The following UGT1A6 variants were observed in gnomAD, a reference collection of about 807,000 sequenced individuals.
UGT1A6 encodes UDP glucuronosyltransferase family 1 member A6.
Under a neutral mutation model 44.4 loss-of-function variants are expected in UGT1A6, and 32 were observed. That is an observed-to-expected ratio of 0.72 (90% CI 0.54 to 0.97). The LOEUF is 0.97. Among genes scored for constraint, UGT1A6 ranks in the 50% least tolerant of loss-of-function variants. The pLI, the probability that UGT1A6 is intolerant of heterozygous loss-of-function variation, is 0.00. For missense variants in UGT1A6, 685 were observed against 661.9 expected (o/e 1.03, Z -0.38); for synonymous variants, 238 against 248.5 (o/e 0.96, Z 0.40).
intron 1 of UGT1A6, among the ~76,000 whole-genome samples, chr2:233,724,021 G>T (rs2077154615): frequency 1.2e-5 from 1 of 80,748 alleles, no homozygotes; most frequent in African/African-American, 7.3e-5. Context: ...TTGTCATCCT[G>T]GCCCGTTCTC....
At chr2:233,761,290 C>T in intron 1 of UGT1A6, 1 of 1,537,354 alleles carries the variant, frequency 6.5e-7, no homozygotes, top group Non-Finnish European at 8.8e-7. Context: ...TTTTTGACTC[C>T]TAGGTTTGAG....
chr2:233,693,934 T>G, intron 1 of UGT1A6, 69 bp downstream of exon 1: 2 of 1,606,124 alleles, frequency 1.2e-6, no homozygotes, highest in Non-Finnish European at 1.7e-6. Flanking sequence ...CTCATTTGGC[T>G]CCTTGAGCCG....
At chr2:233,727,345 T>A (rs2077607962) in intron 1 of UGT1A6, among the ~76,000 whole-genome samples, 1 of 152,184 alleles carries the variant, frequency 6.6e-6, no homozygotes, top group Non-Finnish European at 1.5e-5. Flanking sequence ...CTCCCCATAG[T>A]TCTGCTATCC....
At chr2:233,726,846 T>A (rs970892928) in intron 1 of UGT1A6, among the ~76,000 whole-genome samples, 3 of 152,320 alleles carry the variant, frequency 2.0e-5, no homozygotes, top group Admixed American at 6.5e-5. Flanking sequence ...TTTTTGTTCC[T>A]TTTCTCCATA....
chr2:233,772,563 G>A lies in UGT1A6; in HGVS notation c.*4G>A. ...CCACAAATCCAAGACCCATTGAGAA[G>A]TGGGTGGGAAATAAGGTAAAATTTT... On this transcript the variant is annotated 3_prime_UTR_variant, in exon 5 of 5. Transcript: ENST00000305139. 2 of 1,613,538 alleles carry A rather than the reference G, an allele frequency of 1.2e-6. No homozygotes were observed. Among genetic ancestry groups the A allele is most frequent in the Middle Eastern group, 1.6e-4 (1 of 6,062 alleles).
At position 233,697,083 on chromosome 2, in the gene UGT1A6, CT is replaced by C. The variant is rs529192825; in HGVS notation, c.861+3219del. 1.1e-4 allele frequency among the ~76,000 whole-genome samples: 16 copies of C among 152,102 alleles called. No homozygotes were observed. In the East Asian group the frequency reaches 3.1e-3, roughly 29 times the overall value. On this transcript the variant is annotated intron_variant, in intron 1 of 4. Coordinates refer to ENST00000305139, the MANE Select transcript of UGT1A6 (RefSeq NM_001072.4). ...GTCTGGTTTTGGTATCAGGGTAACA[CT>C]GGTCTCACAGGATGAGTTTGGAAGT...
chr2:233,742,393 A>G (rs1691967380), intron 1 of UGT1A6, among the ~76,000 whole-genome samples: 1 of 151,992 alleles, frequency 6.6e-6, no homozygotes, highest in African/African-American at 2.4e-5. Context: ...GGCTCATGTT[A>G]TTATTTGTAG....
chr2:233,747,486 C>T, intron 1 of UGT1A6: 1 of 1,608,834 alleles, frequency 6.2e-7, no homozygotes, highest in Non-Finnish European at 8.5e-7. Flanking sequence ...ATTTGATCGC[C>T]TTGTGCTGGG....
rs756280025 is a variant in UGT1A6, at chr2:233,723,536, T to TAA, written c.861+29672_861+29673dup. 2.4e-4 allele frequency among the ~76,000 whole-genome samples: 29 copies of TAA among 121,476 alleles called. 1 individual carries two copies. Among genetic ancestry groups the TAA allele is most frequent in the South Asian group, 1.3e-3 (4 of 3,196 alleles). The allele number at this position is 121,476 out of a possible 152,430, so 79.7% of individuals were successfully genotyped here. ...ACAATCTTTTTTTTTTTTTTTTTTTTAATTTATTTTTTTATTGATAATTCT... is the reference window on the plus strand; with the variant it reads ...ACAATCTTTTTTTTTTTTTTTTTTTTAAAATTTATTTTTTTATTGATAATTCT... On this transcript the variant is annotated intron_variant, in intron 1 of 4. Transcript: ENST00000305139.
chr2:233,704,197 T>C (rs914829161), intron 1 of UGT1A6, among the ~76,000 whole-genome samples: 5 of 151,924 alleles, frequency 3.3e-5, no homozygotes, highest in African/African-American at 1.2e-4. Context: ...GGCCCCATTT[T>C]ACTTTTTATG....
intron 1 of UGT1A6, chr2:233,747,358 G>T: frequency 6.2e-7 from 1 of 1,603,224 alleles, no homozygotes; most frequent in African/African-American, 1.3e-5. Context: ...GAGGCCGTGC[G>T]GGAGCTCCAT....
chr2:233,767,807 T>C, intron 2 of UGT1A6, 42 bp from the exon 3 acceptor site: 1 of 1,614,158 alleles, frequency 6.2e-7, no homozygotes, highest in Non-Finnish European at 8.5e-7. Flanking sequence ...TCTAATCATA[T>C]TATGTTCTTT....
chr2:233,725,264 G>GGAGGCAGAGGCAGAGGAGGCA (rs2077414682), intron 1 of UGT1A6, among the ~76,000 whole-genome samples: 1 of 58,548 alleles, frequency 1.7e-5, no homozygotes, highest in Admixed American at 1.5e-4. Context: ...CAGAGGCAGA[G>GGAGGCAGAGGCAGAGGAGGCA]GAGGCAGAGG....
intron 1 of UGT1A6, among the ~76,000 whole-genome samples, chr2:233,733,416 G>A (rs570726599): frequency 2.1e-4 from 32 of 152,222 alleles, no homozygotes; most frequent in African/African-American, 7.5e-4. Context: ...TCCAGTTTTC[G>A]CCTACTCAGT....
chr2:233,700,589 G>T (rs1048954941), intron 1 of UGT1A6, among the ~76,000 whole-genome samples: 1 of 152,036 alleles, frequency 6.6e-6, no homozygotes, highest in Admixed American at 6.5e-5. Flanking sequence ...AATTTATTAT[G>T]ATACAATTCA....
chr2:233,726,899 A>G (rs1208700222), intron 1 of UGT1A6, among the ~76,000 whole-genome samples: 1 of 152,092 alleles, frequency 6.6e-6, no homozygotes, highest in Non-Finnish European at 1.5e-5. Context: ...CTTACCATTC[A>G]ATTATCTCCT....
intron 1 of UGT1A6, among the ~76,000 whole-genome samples, chr2:233,734,124 A>T (rs533243585): frequency 1.8e-3 from 273 of 151,048 alleles, no homozygotes; most frequent in Non-Finnish European, 3.0e-3. Context: ...ATAATAATAA[A>T]AAGAATTTGG....
At chr2:233,713,442 A>G in intron 1 of UGT1A6, 1 of 1,614,102 alleles carries the variant, frequency 6.2e-7, no homozygotes, top group Non-Finnish European at 8.5e-7. Context: ...TGTGGTTCTA[A>G]CAGACCCCTT....
chr2:233,694,201 A>G (rs765076556), intron 1 of UGT1A6, among the ~76,000 whole-genome samples: 78 of 152,126 alleles, frequency 5.1e-4, no homozygotes, highest in Non-Finnish European at 2.2e-4. Flanking sequence ...TCCAGGTTAA[A>G]ATCCATTTTC....
Sources: gnomAD v4.1 joint callset for allele counts (sites outside exome capture counted in the v4.1 genomes callset) on GRCh38, gnomAD v4.1.1 for gene constraint, MANE v1.5 for transcripts, NCBI Gene and HGNC (gene_info 2026-07-23, HGNC 2026-07-21) for gene names.